Variants in ACACA observed in about 807,000 individuals in gnomAD.
The protein encoded by ACACA is acetyl-CoA carboxylase alpha.
Under a neutral mutation model 296.1 loss-of-function variants are expected in ACACA, and 103 were observed. That is an observed-to-expected ratio of 0.35 (90% CI 0.30 to 0.41). The LOEUF is 0.41. ACACA is among the 10% of genes least tolerant of loss of function. The pLI is 1.00. For missense variants in ACACA, 1,554 were observed against 2,989.7 expected, an observed-to-expected ratio of 0.52 and a Z score of 11.20; for synonymous variants, 953 against 1,038.6, an observed-to-expected ratio of 0.92 and a Z score of 1.58.
intron 3 of ACACA, among the ~76,000 whole-genome samples, chr17:37,290,151 G>A (rs1057319820): frequency 5.3e-5 from 8 of 152,030 alleles, no homozygotes; most frequent in Non-Finnish European, 1.0e-4. Context: ...AGGTTCAAGC[G>A]ATTCTTGTGC....
In ACACA at chr17:37,321,899, G is replaced by A. The variant is rs987738748; in HGVS notation, c.338+8274C>T. Among the ~76,000 whole-genome samples the A allele has an allele frequency of 2.7e-5, 4 of 150,440 alleles. 1 individual carries two copies. Among genetic ancestry groups the A allele is most frequent in the East Asian group, 1.9e-4 (1 of 5,142 alleles). On this transcript the variant is annotated intron_variant, in intron 3 of 55. Coordinates refer to ENST00000616317, the MANE Select transcript of ACACA (RefSeq NM_198834.3). The stretch of plus-strand genomic sequence containing the variant: ...GCGGAGGTTGCAGTAAGCCGAGATC[G>A]TGCCACTGCACCCAGCCTGGGCGAC...
At chr17:37,393,982 G>A (rs993532887) in intron 1 of ACACA, among the ~76,000 whole-genome samples, 6 of 152,096 alleles carry the variant, frequency 3.9e-5, no homozygotes, top group Non-Finnish European at 8.8e-5. Context: ...ATAACTTCAA[G>A]TCCTATATTC....
At chr17:37,311,456 A>G (rs1282885253) in intron 3 of ACACA, among the ~76,000 whole-genome samples, 2 of 152,142 alleles carry the variant, frequency 1.3e-5, no homozygotes, top group African/African-American at 4.8e-5. Context: ...ATACATATGC[A>G]TGAAGAAAAA....
intron 3 of ACACA, chr17:37,328,921 C>T: frequency 2.5e-6 from 1 of 398,576 alleles, no homozygotes. Context: ...TCCCAAGGCT[C>T]CCCGAGGTGA....
At chr17:37,181,056 C>T in intron 40 of ACACA, 145 bp downstream of exon 40, 1 of 886,982 alleles carries the variant, frequency 1.1e-6, no homozygotes, top group South Asian at 1.4e-5. Flanking sequence ...AGTCACCAAT[C>T]CTCAAATGAA....
chr17:37,205,879 CTCAAGAACACAAG>C lies in ACACA; in HGVS notation c.3949-20_3949-8del, dbSNP rs761410977. 8 of 1,601,706 alleles carry C rather than the reference CTCAAGAACACAAG, an allele frequency of 5.0e-6. No homozygotes were observed. The highest frequency in any genetic ancestry group is 6.0e-6 in the Non-Finnish European group (7 of 1,170,700). On this transcript the variant is annotated splice_polypyrimidine_tract_variant and splice_region_variant and intron_variant, in intron 32 of 55. Coordinates refer to ENST00000616317, the MANE Select transcript of ACACA (RefSeq NM_198834.3). ...TTGGTTCATCCCTGGGAACCTGTAA[CTCAAGAACACAAG>C]TCAAAGAAATTATGAGGCTGGCCAA...
intron 31 of ACACA, among the ~76,000 whole-genome samples, chr17:37,207,299 T>C (rs2078548088): frequency 6.6e-6 from 1 of 152,244 alleles, no homozygotes; most frequent in Non-Finnish European, 1.5e-5. Context: ...ATGCATTTAA[T>C]CAAAAGATGT....
chr17:37,378,505 G>A (rs112972082), intron 1 of ACACA, among the ~76,000 whole-genome samples: 1,697 of 152,230 alleles, frequency 0.011, 26 homozygotes, highest in African/African-American at 0.037. Context: ...TTGAGCTTAC[G>A]AGTTTGAGAC....
intron 23 of ACACA, among the ~76,000 whole-genome samples, chr17:37,241,287 A>G (rs956839650): frequency 2.0e-5 from 3 of 152,144 alleles, no homozygotes; most frequent in Admixed American, 6.5e-5. Context: ...TTTTGCACCA[A>G]CCTAATATAA....
chr17:37,386,091 T>C (rs750229702), intron 1 of ACACA: 2 of 1,596,886 alleles, frequency 1.3e-6, no homozygotes, highest in Non-Finnish European at 1.7e-6. Flanking sequence ...CTATAACTCC[T>C]GGGAATAAAG....
chr17:37,131,916 G>C (rs1395258639), intron 45 of ACACA, among the ~76,000 whole-genome samples: 1 of 152,240 alleles, frequency 6.6e-6, no homozygotes, highest in Non-Finnish European at 1.5e-5. Flanking sequence ...AAGGAGCCTC[G>C]TGAAGAGGGA....
intron 14 of ACACA, among the ~76,000 whole-genome samples, chr17:37,256,494 A>G (rs1184249920): frequency 2.6e-5 from 4 of 152,202 alleles, no homozygotes; most frequent in African/African-American, 4.8e-5. Flanking sequence ...TGCCTATAAT[A>G]CCAGCACTTT....
chr17:37,390,334 A>ATATATATCTATAT (rs2050822111), intron 1 of ACACA, among the ~76,000 whole-genome samples: 1 of 93,444 alleles, frequency 1.1e-5, no homozygotes, highest in Non-Finnish European at 1.9e-5. Flanking sequence ...ATATATATAT[A>ATATATATCTATAT]AAAGGCCAGC....
At position 37,275,960 on chromosome 17, in the gene ACACA, T is replaced by C; in HGVS notation, c.892A>G (p.Ser298Gly). 6.2e-7 allele frequency: 1 copy of C among 1,613,936 alleles called. No individual in the cohort carries two copies. The change falls in exon 8 of 56, where the codon AGC becomes GGC. Residue 298 changes from serine to glycine, a missense_variant. By Grantham distance (56) the Ser-to-Gly change is moderately conservative. Around this residue, in one of 16 missense-constraint regions of ACACA, gnomAD observed 47 missense variants for 55.4 expected, o/e 0.85. Transcript: ENST00000616317. ...AGAATTCAGTTCTTACCACTGCCGC[T>C]CCAGGGAAGAGTTGGGATACCTGCA... is the stretch of plus-strand genomic sequence containing the variant. ...QTAGIPTLPW[S>G]GSGLRVDWQE...
chr17:37,299,166 A>AT, intron 3 of ACACA: 1 of 1,167,764 alleles, frequency 8.6e-7, no homozygotes, highest in Non-Finnish European at 1.2e-6. Context: ...AATAGCCTTC[A>AT]TTTTTTAAAG....
At chr17:37,318,564 T>C (rs992738657) in intron 3 of ACACA, among the ~76,000 whole-genome samples, 9 of 152,206 alleles carry the variant, frequency 5.9e-5, no homozygotes, top group African/African-American at 2.2e-4. Context: ...ATAGTGGTTA[T>C]TCTCAACGTG....
intron 3 of ACACA, among the ~76,000 whole-genome samples, chr17:37,318,533 G>A (rs959975369): frequency 2.6e-5 from 4 of 152,142 alleles, no homozygotes; most frequent in Non-Finnish European, 5.9e-5. Context: ...GAGCCACCGC[G>A]CCTGGCCTCC....
chr17:37,333,730 G>C (rs1301105125), intron 2 of ACACA, among the ~76,000 whole-genome samples: 2 of 150,720 alleles, frequency 1.3e-5, no homozygotes, highest in African/African-American at 4.9e-5. Flanking sequence ...CCTGTGAAGT[G>C]TGCCAAAGAA....
At chr17:37,112,465 G>A (rs918514209) in intron 51 of ACACA, among the ~76,000 whole-genome samples, 2 of 152,264 alleles carry the variant, frequency 1.3e-5, no homozygotes, top group East Asian at 3.9e-4. Context: ...TATGAGACTC[G>A]TCCAAATATA....
Sources: gnomAD v4.1 joint callset for allele counts (sites outside exome capture counted in the v4.1 genomes callset) on GRCh38, gnomAD v4.1.1 for gene constraint, gnomAD v4.1.1 regional missense constraint, MANE v1.5 for transcripts, NCBI Gene and HGNC (gene_info 2026-07-23, HGNC 2026-07-21) for gene names.